The following RNFT2 variants were observed in gnomAD, a reference collection of about 807,000 sequenced individuals.
The protein encoded by RNFT2 is ring finger protein, transmembrane 2, also known as E3 ubiquitin-protein ligase RNFT2.
In RNFT2, 36 loss-of-function variants were observed where a neutral mutation model predicts 53.0. The ratio of observed to expected loss-of-function variants is 0.68; its 90% CI spans 0.52 to 0.90. The LOEUF is 0.90. Ranked by LOEUF, RNFT2 falls within the 40% of genes least tolerant of loss-of-function variation. The pLI, the probability that RNFT2 is intolerant of heterozygous loss-of-function variation, is 0.00. For synonymous variants in RNFT2, 260 were observed against 253.2 expected, an observed-to-expected ratio of 1.03 and a Z score of -0.26; for missense variants, 514 against 585.6, an observed-to-expected ratio of 0.88 and a Z score of 1.26.
At chr12:116,781,826 T>C (rs890203131) in intron 7 of RNFT2, among the ~76,000 whole-genome samples, 2 of 151,962 alleles carry the variant, frequency 1.3e-5, no homozygotes, top group African/African-American at 4.8e-5. Context: ...CCTGTAATCC[T>C]AGCACTTTGG....
At chr12:116,758,934 G>A (rs888837971) in intron 5 of RNFT2, among the ~76,000 whole-genome samples, 2 of 152,086 alleles carry the variant, frequency 1.3e-5, no homozygotes, top group Non-Finnish European at 2.9e-5. Flanking sequence ...CGTTTTCCTC[G>A]ATTATTCCCC....
rs1876813114 is a variant in RNFT2 at position 116,833,820 on chromosome 12, T to A, written c.911T>A (p.Leu304Gln). The A allele has an allele frequency of 1.2e-6, 2 of 1,613,116 alleles. No individual in the cohort carries two copies. ...AAGTTCTATCTGGTCATCGAGGAGC[T>A]GAGCCAGCTGTTCCGATCCCTTGTC... is the stretch of plus-strand genomic sequence containing the variant. ...KGKFYLVIEELSQLFRSLVPI... is the reference protein window; with the variant it reads ...KGKFYLVIEEQSQLFRSLVPI... The change falls in exon 8 of 11, where the codon CTG becomes CAG. Residue 304 changes from leucine (L) to glutamine (Q), a missense_variant. This residue lies in a region of RNFT2 where 273 missense variants were observed against 334.4 expected (regional missense o/e 0.82). Coordinates refer to ENST00000257575, the MANE Select transcript of RNFT2 (RefSeq NM_001382266.1).
intron 7 of RNFT2, among the ~76,000 whole-genome samples, chr12:116,799,860 C>T (rs574010769): frequency 6.6e-6 from 1 of 152,106 alleles, no homozygotes; most frequent in South Asian, 2.1e-4. Context: ...ATGTTTGTCC[C>T]CTCCAAATCT....
At chr12:116,813,491 A>G (rs1274832333) in intron 7 of RNFT2, among the ~76,000 whole-genome samples, 3 of 151,880 alleles carry the variant, frequency 2.0e-5, no homozygotes, top group Non-Finnish European at 2.9e-5. Context: ...TATCATTTCC[A>G]CTTGGAAGTC....
intron 8 of RNFT2, 31 bp downstream of exon 8, chr12:116,833,972 C>T (rs1420436157): frequency 1.3e-6 from 2 of 1,561,814 alleles, no homozygotes; most frequent in Admixed American, 2.0e-5. Context: ...GAGGGCCGGC[C>T]TAAGGAGGGC....
rs780038036 is a variant in RNFT2 at position 116,741,017 on chromosome 12, C to G, written c.25-19C>G. On this transcript the variant is annotated intron_variant, in intron 2 of 10. Transcript: ENST00000257575. ...GGGAGTGTTGGGAGACTCTGGCTCA[C>G]CCATGTGTTGGGTTTTAGGTGTTAA... 6.2e-7 allele frequency: 1 copy of G among 1,605,902 alleles called. No individual in the cohort carries two copies.
intron 7 of RNFT2, among the ~76,000 whole-genome samples, chr12:116,828,485 A>G (rs895059253): frequency 7.9e-5 from 12 of 152,166 alleles, no homozygotes; most frequent in African/African-American, 2.4e-4. Flanking sequence ...CACCTCTAGC[A>G]GAGTTCTACC....
chr12:116,743,247 G>GAAAAAAA lies in RNFT2; in HGVS notation c.83+2153_83+2154insAAAAAAA, dbSNP rs1566066807. The stretch of plus-strand genomic sequence containing the variant: ...AAAAAAAAAAAAAAAAAAAAAAACC[G>GAAAAAAA]GTTAAAAAACACTCATGAGCTAGAA... On this transcript the variant is annotated intron_variant, in intron 3 of 10. Transcript: ENST00000257575. 1.8e-4 allele frequency among the ~76,000 whole-genome samples: 11 copies of GAAAAAAA among 61,544 alleles called. 1 individual carries two copies. Among genetic ancestry groups the GAAAAAAA allele is most frequent in the Non-Finnish European group, 2.5e-4 (8 of 31,584 alleles). 40.4% of individuals were successfully genotyped at this position (61,544 alleles called of 152,430 possible). A position where few individuals can be genotyped will look rare whatever the true frequency, so the allele number is the denominator to read the frequency against.
intron 7 of RNFT2, among the ~76,000 whole-genome samples, chr12:116,825,130 A>G (rs1163376844): frequency 1.3e-5 from 2 of 152,094 alleles, no homozygotes; most frequent in Admixed American, 6.6e-5. Flanking sequence ...AAGGTCCTGT[A>G]TCTGGGGCCT....
intron 6 of RNFT2, among the ~76,000 whole-genome samples, chr12:116,773,052 C>T (rs1460273462): frequency 6.6e-6 from 1 of 152,270 alleles, no homozygotes; most frequent in African/African-American, 2.4e-5. Context: ...TGGTCTCGAT[C>T]TCTTGACCTT....
rs568659256 is a variant in RNFT2, at chr12:116,740,455, G to T, written c.-43G>T. 5.5e-5 allele frequency: 85 copies of T among 1,559,420 alleles called. 1 individual carries two copies. In the South Asian group the frequency reaches 9.7e-4, roughly 18 times the overall value. ...TGGTCACATCCCCCTGAGGATTCCC[G>T]AATGCCTACCTCCAGTGTCGTCAAC... On this transcript the variant is annotated 5_prime_UTR_variant, in exon 2 of 11. Transcript: ENST00000257575.
chr12:116,805,418 A>C (rs76928482), intron 7 of RNFT2, among the ~76,000 whole-genome samples: 3,108 of 152,266 alleles, frequency 0.02, 116 homozygotes, highest in African/African-American at 0.07. Context: ...TGAAATCTGC[A>C]GAACAGGCCA....
At chr12:116,800,746 G>A (rs1183875422) in intron 7 of RNFT2, among the ~76,000 whole-genome samples, 1 of 151,788 alleles carries the variant, frequency 6.6e-6, no homozygotes, top group Non-Finnish European at 1.5e-5. Context: ...CCTGGGAGGT[G>A]GAGGTTGCAG....
intron 7 of RNFT2, among the ~76,000 whole-genome samples, chr12:116,810,708 A>G (rs1875330083): frequency 6.6e-6 from 1 of 152,152 alleles, no homozygotes; most frequent in Non-Finnish European, 1.5e-5. Context: ...CTCAATGATT[A>G]AGCAAGGCAG....
intron 4 of RNFT2, among the ~76,000 whole-genome samples, chr12:116,750,864 T>C (rs1172858329): frequency 7.2e-4 from 2 of 2,780 alleles, no homozygotes; most frequent in Admixed American, 6.8e-3. Flanking sequence ...ATATATTATA[T>C]ATATATAATA....
intron 7 of RNFT2, among the ~76,000 whole-genome samples, chr12:116,806,100 G>A (rs893469431): frequency 6.6e-6 from 1 of 152,232 alleles, no homozygotes; most frequent in African/African-American, 2.4e-5. Flanking sequence ...ATTCATCTTG[G>A]CTGGGTGCTG....
intron 7 of RNFT2, among the ~76,000 whole-genome samples, chr12:116,780,349 C>T (rs1380344492): frequency 6.6e-6 from 1 of 152,182 alleles, no homozygotes; most frequent in African/African-American, 2.4e-5. Flanking sequence ...GATCATCAGG[C>T]ATTGGATTCT....
At chr12:116,750,832 ATATATATT>A in intron 4 of RNFT2, among the ~76,000 whole-genome samples, 3 of 24,760 alleles carry the variant, frequency 1.2e-4, no homozygotes, top group African/African-American at 4.7e-4. Flanking sequence ...TATATATAAT[ATATATATT>A]ATATATATAT....
intron 7 of RNFT2, among the ~76,000 whole-genome samples, chr12:116,813,197 G>A (rs747993905): frequency 2.0e-5 from 3 of 151,478 alleles, no homozygotes; most frequent in Non-Finnish European, 2.9e-5. Context: ...GGTCTCAAGC[G>A]ATCCACCCAC....
Sources: allele counts gnomAD v4.1 joint callset (sites outside exome capture counted in the v4.1 genomes callset), GRCh38; gene constraint gnomAD v4.1.1; regional missense constraint gnomAD v4.1.1; transcripts MANE v1.5; gene names NCBI Gene and HGNC (gene_info 2026-07-23, HGNC 2026-07-21).